GCNT1: variants seen among roughly 807,000 people sequenced by gnomAD.
GCNT1 encodes the protein beta-1,3-galactosyl-O-glycosyl-glycoprotein beta-1,6-N-acetylglucosaminyltransferase.
A neutral mutation model predicts 26.2 loss-of-function variants in GCNT1; 16 were observed. The ratio of observed to expected loss-of-function variants is 0.61; its 90% CI spans 0.41 to 0.93. The LOEUF (loss-of-function observed/expected upper bound fraction) is 0.93, where lower values mean the gene tolerates loss of function less well. Among genes scored for constraint, GCNT1 ranks in the 40% least tolerant of loss-of-function variants. The pLI is 0.00. For synonymous variants in GCNT1, 183 were observed against 190.8 expected (o/e 0.96, Z 0.34); for missense variants, 477 against 526.7 (o/e 0.91, Z 0.92).
At chr9:76,394,060 C>A in the GCNT1 span, 1 of 1,565,502 alleles carries the variant, frequency 6.4e-7, no homozygotes, top group African/African-American at 1.4e-5. Context: ...CGTGACCCGG[C>A]CCGGGGGACT....
intron 2 of GCNT1, among the ~76,000 whole-genome samples, chr9:76,461,880 C>T (rs1823878551): frequency 6.6e-6 from 1 of 152,208 alleles, no homozygotes. Context: ...CAGAGTGAAG[C>T]TCCGTCTCAA....
chr9:76,396,483 G>T, the GCNT1 span, among the ~76,000 whole-genome samples: 2 of 149,896 alleles, frequency 1.3e-5, no homozygotes, highest in Admixed American at 1.3e-4. Context: ...GAAAAGAAAA[G>T]AAACAAGAAA....
chr9:76,496,331 C>G (rs142341398), intron 2 of GCNT1, among the ~76,000 whole-genome samples: 2,151 of 152,340 alleles, frequency 0.014, 28 homozygotes, highest in South Asian at 0.038. Flanking sequence ...CCGCATCCCC[C>G]CTTCAGAGGG....
At chr9:76,417,066 G>T (rs7875575), upstream of GCNT1, among the ~76,000 whole-genome samples, 55,891 of 151,954 alleles carry the variant, frequency 0.37, 11,041 homozygotes, top group Non-Finnish European at 0.44. Context: ...CAGAAAAAAA[G>T]AAGATATGAT....
chr9:76,455,360 A>C (rs1322834744), upstream of GCNT1, among the ~76,000 whole-genome samples: 1 of 152,126 alleles, frequency 6.6e-6, no homozygotes, highest in Non-Finnish European at 1.5e-5. Flanking sequence ...AGTAGGGGCA[A>C]ATGGTTCAGC....
chr9:76,424,104 G>C (rs989787157), intron 1 of GCNT1, among the ~76,000 whole-genome samples: 11 of 152,180 alleles, frequency 7.2e-5, no homozygotes, highest in Admixed American at 6.5e-4. Context: ...CAGCAGGAGT[G>C]GGGGAAGAAT....
At chr9:76,413,763 A>G in the GCNT1 span, among the ~76,000 whole-genome samples, 1 of 148,128 alleles carries the variant, frequency 6.8e-6, no homozygotes, top group Non-Finnish European at 1.5e-5. Flanking sequence ...GGAAAGTCTC[A>G]GTCTTTATTG....
chr9:76,449,500 G>A (rs1180926114), intron 1 of GCNT1, among the ~76,000 whole-genome samples: 3 of 152,114 alleles, frequency 2.0e-5, no homozygotes, highest in Admixed American at 6.6e-5. Flanking sequence ...CTTTGCAAAG[G>A]TGATGCCCTC....
chr9:76,425,219 T>C (rs1215905491), intron 1 of GCNT1, among the ~76,000 whole-genome samples: 2 of 146,594 alleles, frequency 1.4e-5, no homozygotes, highest in African/African-American at 5.1e-5. Context: ...TAGTAAGGAA[T>C]AGTATTTTAA....
At position 76,429,668 on chromosome 9, in the gene GCNT1, A is replaced by G. The variant is rs972312429; in HGVS notation, n.38+9781A>G. Among the ~76,000 whole-genome samples, 5 of 151,982 alleles carry G rather than the reference A, an allele frequency of 3.3e-5. 1 individual carries two copies. In the South Asian group the frequency reaches 1.0e-3, roughly 32 times the overall value. ...GCAGAAAGATTCTTGCCAGCAAGAA[A>G]GTACAAGCCCTAATGAATAGAAGGT... On this transcript the variant is annotated intron_variant and non_coding_transcript_variant, in intron 1 of 3. Coordinates refer to the GCNT1 transcript ENST00000488136.
At chr9:76,395,486 C>G in the GCNT1 span, among the ~76,000 whole-genome samples, 1 of 151,978 alleles carries the variant, frequency 6.6e-6, no homozygotes, top group Non-Finnish European at 1.5e-5. Context: ...GTTTGAGAGG[C>G]CGACGCGGGA....
chr9:76,455,049 T>C (rs2131589714), upstream of GCNT1, among the ~76,000 whole-genome samples: 1 of 152,128 alleles, frequency 6.6e-6, no homozygotes, highest in East Asian at 1.9e-4. Context: ...AGTTTCACCA[T>C]GTTGGTCAGG....
At chr9:76,393,983 T>C in the GCNT1 span, 1 of 1,037,604 alleles carries the variant, frequency 9.6e-7, no homozygotes, top group South Asian at 1.5e-5. Flanking sequence ...GTGTGCTCTC[T>C]GCCCGCGGTC....
rs1325284090 is a variant in GCNT1 at position 76,506,404 on chromosome 9, C to T, written c.*2736C>T. ...AAATAGAAAAAAAAAATTAGCCAGG[C>T]TTGCACCTGTAATCCCAGTTACCTG... On this transcript the variant is annotated 3_prime_UTR_variant, in exon 4 of 4. Transcript: ENST00000376730. The T allele has an allele frequency of 6.0e-6, 1 of 166,684 alleles. No individual in the cohort carries two copies. The highest frequency in any genetic ancestry group is 1.9e-4 in the East Asian group (1 of 5,174). The allele number at this position is 166,684 out of a possible 1,614,324, so 10.3% of individuals were successfully genotyped here. A position where few individuals can be genotyped will look rare whatever the true frequency, so the allele number is the denominator to read the frequency against.
In GCNT1 at chr9:76,504,783, C is replaced by T. The variant is rs1482076635; in HGVS notation, c.*1115C>T. 46 of 413,530 alleles carry T rather than the reference C, an allele frequency of 1.1e-4. No homozygotes were observed. The East Asian group carries it at 1.5e-3, about 14-fold the overall frequency. 25.6% of individuals were successfully genotyped at this position (413,530 alleles called of 1,614,324 possible). On this transcript the variant is annotated 3_prime_UTR_variant, in exon 4 of 4. Transcript: ENST00000376730. ...AAAGGACTTGGCCCTGTTCTTGGGTCTTCCCGTTACCTGCCCCCTGGGTGG... is the reference window on the plus strand; with the variant it reads ...AAAGGACTTGGCCCTGTTCTTGGGTTTTCCCGTTACCTGCCCCCTGGGTGG...
the GCNT1 span, among the ~76,000 whole-genome samples, chr9:76,401,350 C>T: frequency 0.017 from 2,547 of 152,246 alleles, 70 homozygotes; most frequent in African/African-American, 0.057. Flanking sequence ...ACTATAGCCT[C>T]GAAATCCTGG....
intron 1 of GCNT1, among the ~76,000 whole-genome samples, chr9:76,443,901 G>GAAA (rs1587413971): frequency 0.025 from 1,130 of 45,362 alleles, 15 homozygotes; most frequent in South Asian, 0.034. Flanking sequence ...AAGAAAGAAA[G>GAAA]GAAGAAAGGA....
intron 1 of GCNT1, among the ~76,000 whole-genome samples, chr9:76,424,800 T>TA (rs1044678183): frequency 1.3e-5 from 2 of 152,164 alleles, no homozygotes; most frequent in Non-Finnish European, 2.9e-5. Context: ...AGCCATCTTG[T>TA]AACTAAAATC....
intron 2 of GCNT1, among the ~76,000 whole-genome samples, chr9:76,496,338 A>T (rs1370257493): frequency 1.3e-5 from 2 of 152,250 alleles, no homozygotes; most frequent in African/African-American, 2.4e-5. Context: ...CCCCCTTCAG[A>T]GGGATCCGTG....
Sources: allele counts gnomAD v4.1 joint callset (sites outside exome capture counted in the v4.1 genomes callset), GRCh38; gene constraint gnomAD v4.1.1; transcripts MANE v1.5; gene names NCBI Gene and HGNC (gene_info 2026-07-23, HGNC 2026-07-21).